The following TENM1 variants were observed in gnomAD, a reference collection of about 807,000 sequenced individuals.
TENM1 encodes the protein teneurin transmembrane protein 1.
A neutral mutation model predicts 174.8 loss-of-function variants in TENM1; 35 were observed. The observed-to-expected ratio is 0.20, with a 90% CI of 0.15 to 0.27. The LOEUF (loss-of-function observed/expected upper bound fraction) is 0.27. Ranked by LOEUF, TENM1 falls within the 10% of genes least tolerant of loss-of-function variation. The probability of loss-of-function intolerance (pLI) is 1.00; values close to 1 mark genes in which losing one functional copy is unlikely to be tolerated. For synonymous variants in TENM1, 781 were observed against 798.7 expected (o/e 0.98, Z 0.37); for missense variants, 1,633 against 2,130.1 (o/e 0.77, Z 4.59).
At chrX:124,977,431 A>G in the TENM1 span, among the ~76,000 whole-genome samples, 1 of 111,409 alleles carries the variant, frequency 9.0e-6, no homozygotes, top group South Asian at 3.7e-4. Flanking sequence ...TGTTGTTGAT[A>G]TGTTTACTGT....
chrX:124,886,728 GTT>G (rs74314491), intron 3 of TENM1, among the ~76,000 whole-genome samples: 810 of 77,846 alleles, frequency 0.01, 17 homozygotes, highest in African/African-American at 0.035. Flanking sequence ...TGTAGTGAAG[GTT>G]TTTTTTTTTT....
chrX:125,154,294 T>G, the TENM1 span, among the ~76,000 whole-genome samples: 5 of 111,938 alleles, frequency 4.5e-5, no homozygotes, highest in Non-Finnish European at 7.5e-5. Flanking sequence ...TGGGATAAGA[T>G]TCTGAAGTCA....
the TENM1 span, among the ~76,000 whole-genome samples, chrX:125,179,129 T>C: frequency 8.9e-6 from 1 of 111,891 alleles, no homozygotes; most frequent in Non-Finnish European, 1.9e-5. Context: ...CACTTAGATG[T>C]TCTGTTGGCT....
At chrX:124,689,072 C>T (rs2052450559) in intron 5 of TENM1, among the ~76,000 whole-genome samples, 1 of 111,631 alleles carries the variant, frequency 9.0e-6, no homozygotes, top group Non-Finnish European at 1.9e-5. Context: ...AAAATGCAAA[C>T]TAAGACACTG....
At chrX:125,154,977 A>G in the TENM1 span, among the ~76,000 whole-genome samples, 1 of 111,738 alleles carries the variant, frequency 8.9e-6, no homozygotes, top group African/African-American at 3.3e-5. Context: ...GAGAAAGAAC[A>G]AAGCTCCCAC....
In TENM1 at chrX:124,392,145, C is replaced by T. The variant is rs374310338; in HGVS notation, c.5595G>A (p.Thr1865=). Residue 1865 remains threonine, a synonymous_variant, in exon 28 of 32, where the codon ACG becomes ACA. Transcript: ENST00000422452. Reference sequence around the variant, plus strand: ...GGTCATATTCCATTTTTTCATTCCACGTTCCTCTTTGAATAAACGTCACCA... The same window carrying T: ...GGTCATATTCCATTTTTTCATTCCATGTTCCTCTTTGAATAAACGTCACCA... The T allele has an allele frequency of 2.9e-4, 348 of 1,208,695 alleles. 1 individual carries two copies. The highest frequency in any genetic ancestry group is 3.4e-4 in the Non-Finnish European group (308 of 894,192).
chrX:124,688,262 T>TC (rs1321529184), intron 5 of TENM1, among the ~76,000 whole-genome samples: 2 of 107,659 alleles, frequency 1.9e-5, no homozygotes, highest in African/African-American at 6.8e-5. Context: ...TCCTTTCCCT[T>TC]CCCTTTTTTT....
intron 11 of TENM1, among the ~76,000 whole-genome samples, chrX:124,585,233 A>G (rs1376321304): frequency 9.0e-6 from 1 of 111,585 alleles, no homozygotes; most frequent in Non-Finnish European, 1.9e-5. Context: ...CAGAATATAC[A>G]TTTTGTTCAG....
intron 23 of TENM1, among the ~76,000 whole-genome samples, chrX:124,437,621 G>A (rs1008071380): frequency 3.6e-5 from 4 of 111,629 alleles, no homozygotes; most frequent in African/African-American, 9.8e-5. Flanking sequence ...AAGTTGCCCC[G>A]TGACAACATT....
chrX:124,877,775 T>C (rs993575406), intron 3 of TENM1, among the ~76,000 whole-genome samples: 1 of 111,419 alleles, frequency 9.0e-6, no homozygotes, highest in Non-Finnish European at 1.9e-5. Flanking sequence ...TGCATAATTT[T>C]TGACTCCCCA....
At chrX:124,697,731 T>A (rs1042005659) in intron 5 of TENM1, among the ~76,000 whole-genome samples, 7 of 111,461 alleles carry the variant, frequency 6.3e-5, no homozygotes, top group African/African-American at 2.3e-4. Context: ...TTGTAATAAA[T>A]AATTATATAG....
At chrX:124,994,655 G>T in the TENM1 span, among the ~76,000 whole-genome samples, 23 of 110,169 alleles carry the variant, frequency 2.1e-4, no homozygotes, top group Admixed American at 3.9e-4. Flanking sequence ...GTGCCCTCTT[G>T]ATCACCTCTG....
chrX:124,792,863 A>T (rs2055210323), intron 3 of TENM1, among the ~76,000 whole-genome samples: 1 of 112,464 alleles, frequency 8.9e-6, no homozygotes, highest in African/African-American at 3.2e-5. Context: ...ATTTCAGTCA[A>T]TTAAACTTCT....
At chrX:124,937,956 T>G in intron 1 of TENM1, among the ~76,000 whole-genome samples, 1 of 111,834 alleles carries the variant, frequency 8.9e-6, no homozygotes. Context: ...CGTTGAAGAT[T>G]GGTCTGAAGT....
At chrX:124,472,809 A>G (rs953227610) in intron 22 of TENM1, among the ~76,000 whole-genome samples, 2 of 111,247 alleles carry the variant, frequency 1.8e-5, no homozygotes, top group Admixed American at 1.9e-4. Context: ...AAAGCATGCT[A>G]GTCTCACCAG....
At chrX:124,739,744 A>C (rs1311334139) in intron 3 of TENM1, among the ~76,000 whole-genome samples, 5 of 112,384 alleles carry the variant, frequency 4.4e-5, no homozygotes, top group Non-Finnish European at 9.4e-5. Flanking sequence ...CTTTTCTCCC[A>C]AAATAGACTG....
chrX:124,944,800 G>A (rs948294340), intron 1 of TENM1, among the ~76,000 whole-genome samples: 10 of 109,277 alleles, frequency 9.2e-5, no homozygotes, highest in African/African-American at 1.3e-4. Flanking sequence ...ATATTTGAAC[G>A]TATAGTACAG....
intron 3 of TENM1, among the ~76,000 whole-genome samples, chrX:124,807,494 T>C (rs2055633921): frequency 8.9e-6 from 1 of 111,954 alleles, no homozygotes; most frequent in South Asian, 3.7e-4. Context: ...CATCTGAAAG[T>C]ATAAAACACA....
chrX:124,426,419 T>G (rs2060718176), intron 23 of TENM1, among the ~76,000 whole-genome samples: 1 of 112,266 alleles, frequency 8.9e-6, no homozygotes, highest in African/African-American at 3.2e-5. Context: ...GTCATTGCAT[T>G]CTGCGGCCTA....
Sources: allele counts gnomAD v4.1 joint callset (sites outside exome capture counted in the v4.1 genomes callset), GRCh38; gene constraint gnomAD v4.1.1; transcripts MANE v1.5; gene names NCBI Gene and HGNC (gene_info 2026-07-23, HGNC 2026-07-21).